The following TEP1 variants were observed in gnomAD, a reference collection of about 807,000 sequenced individuals.
The protein encoded by TEP1 is telomerase protein component 1.
Under a neutral mutation model 306.3 loss-of-function variants are expected in TEP1, and 241 were observed. The observed-to-expected ratio is 0.79, with a 90% CI of 0.71 to 0.88. TEP1 has a LOEUF of 0.88. Among genes scored for constraint, TEP1 ranks in the 40% least tolerant of loss-of-function variants. The probability of loss-of-function intolerance (pLI) is 0.00; values close to 1 mark genes in which losing one functional copy is unlikely to be tolerated. For synonymous variants in TEP1, 1,289 were observed against 1,305.5 expected (o/e 0.99, Z 0.27); for missense variants, 3,051 against 3,276.1 (o/e 0.93, Z 1.68).
intron 7 of TEP1, 99 bp downstream of exon 7, chr14:20,403,278 G>A (rs1594372274): frequency 2.1e-6 from 3 of 1,457,376 alleles, no homozygotes; most frequent in Non-Finnish European, 2.8e-6. Flanking sequence ...AGAATCCCCA[G>A]GAAGAAAGTA....
chr14:20,393,010 G>A (rs1007997433), intron 12 of TEP1, among the ~76,000 whole-genome samples: 5 of 151,830 alleles, frequency 3.3e-5, no homozygotes, highest in African/African-American at 7.3e-5. Context: ...CAAGGAGATC[G>A]AGACCATCCT....
rs750845140 is a variant in TEP1 at position 20,404,677 on chromosome 14, C to T, written c.966G>A (p.Leu322=). ...GGACAATGGCACAGAAATATCGTCGCAGGTGGGGGCGACACGCCGGCAAGA... is the reference window on the plus strand; with the variant it reads ...GGACAATGGCACAGAAATATCGTCGTAGGTGGGGGCGACACGCCGGCAAGA... ...AAFLPACRPH[L]RRYFCAIVQL... The change falls in exon 5 of 55, where the codon CTG becomes CTA. Residue 322 remains leucine, a synonymous_variant. Transcript: ENST00000262715. 9 of 1,614,060 alleles carry T rather than the reference C, an allele frequency of 5.6e-6. No individual in the cohort carries two copies. Among genetic ancestry groups the T allele is most frequent in the Non-Finnish European group, 6.8e-6 (8 of 1,180,042 alleles).
At position 20,406,246 on chromosome 14, in the gene TEP1, A is replaced by T. The variant is rs554303482; in HGVS notation, c.722T>A (p.Leu241His). The T allele has an allele frequency of 1.8e-5, 29 of 1,613,878 alleles. No individual in the cohort carries two copies. The South Asian group carries it at 3.0e-4, about 17-fold the overall frequency. Residue 241 changes from leucine to histidine, a missense_variant, in exon 3 of 55, where the codon CTT becomes CAT. By Grantham distance (99) the Leu-to-His change is moderately conservative (BLOSUM62 -3). This residue lies in a region of TEP1 where 1,507 missense variants were observed against 1,550.5 expected (regional missense o/e 0.97). Transcript: ENST00000262715. ...TTGAATTTTTACCTTCTTTTCCTGA[A>T]GGACATGGTCAGTAGGCTCTGGATG... Reference protein sequence around the residue: ...ESHPEPTDHVLQEKKMALLSL... With the variant: ...ESHPEPTDHVHQEKKMALLSL...
Position 20,378,826 on chromosome 14 carries a change from G to A in TEP1, c.5280C>T (p.Tyr1760=). The A allele has an allele frequency of 6.2e-7, 1 of 1,614,204 alleles. No individual in the cohort carries two copies. The highest frequency in any genetic ancestry group is 8.5e-7 in the Non-Finnish European group (1 of 1,180,030). Residue 1760 remains tyrosine, a synonymous_variant, in exon 37 of 55, where the codon TAC becomes TAT. Coordinates refer to ENST00000262715, the MANE Select transcript of TEP1 (RefSeq NM_007110.5). ...CRVLQTKAHQ[Y]QITGCCLSPD... The stretch of plus-strand genomic sequence containing the variant: ...GGCTCAGGCAGCAGCCAGTGATTTG[G>A]TACTGGTGAGCCTTAGTCTGCAGCA...
At chr14:20,403,958 A>T in intron 5 of TEP1, 74 bp from the exon 6 acceptor site, 1 of 1,593,278 alleles carries the variant, frequency 6.3e-7, no homozygotes, top group Non-Finnish European at 8.6e-7. Flanking sequence ...AGATCACTTC[A>T]TGGAGATACA....
At position 20,404,494 on chromosome 14, in the gene TEP1, C is replaced by A. The variant is rs1178509437; in HGVS notation, c.1032+117G>T. 3.0e-6 allele frequency: 4 copies of A among 1,311,756 alleles called. No homozygotes were observed. In the East Asian group the frequency reaches 1.0e-4, roughly 34 times the overall value. The allele number at this position is 1,311,756 out of a possible 1,614,324, so 81.3% of individuals were successfully genotyped here. ...GGGAGAAGCTGTCCTGTCTGGGCACCAATGCTGAGGAAAGCTGAGGGGAAA... is the reference window on the plus strand; with the variant it reads ...GGGAGAAGCTGTCCTGTCTGGGCACAAATGCTGAGGAAAGCTGAGGGGAAA... On this transcript the variant is annotated intron_variant, in intron 5 of 54. Coordinates refer to ENST00000262715, the MANE Select transcript of TEP1 (RefSeq NM_007110.5).
intron 44 of TEP1, 57 bp downstream of exon 44, chr14:20,374,372 C>A: frequency 7.6e-7 from 1 of 1,319,126 alleles, no homozygotes; most frequent in Non-Finnish European, 1.1e-6. Context: ...CACCGTCTCC[C>A]AAAGCCCCCT....
Position 20,369,781 on chromosome 14 carries a change from T to C in TEP1, c.7318-2A>G. 6.2e-7 allele frequency: 1 copy of C among 1,612,634 alleles called. No homozygotes were observed. Among genetic ancestry groups the C allele is most frequent in the Non-Finnish European group, 8.5e-7 (1 of 1,178,822 alleles). ...AAACTCTCCTGATTCCTTTTGCCTC[T>C]GTGAAAGAATAGGTAATTTTGTTTA... On this transcript the variant is annotated splice_acceptor_variant, in intron 51 of 54. Coordinates refer to ENST00000262715, the MANE Select transcript of TEP1 (RefSeq NM_007110.5). LOFTEE classifies it high-confidence loss of function.
In TEP1 at chr14:20,377,636, G is replaced by C. The variant is rs200869389; in HGVS notation, c.5839C>G (p.Arg1947Gly). 3 of 1,614,080 alleles carry C rather than the reference G, an allele frequency of 1.9e-6. No homozygotes were observed. The South Asian group carries it at 3.3e-5, about 18-fold the overall frequency. ...TTGTAGATCCTAATGCCATCCGCTC[G>C]ATATCCAACAGCCACCCGATCACCA... ...PDGDRVAVGY[R>G]ADGIRIYKIS... Residue 1947 changes from arginine to glycine, a missense_variant, in exon 40 of 55, where the codon CGA becomes GGA. Physicochemically the swap from Arg to Gly is moderately radical, Grantham distance 125. Transcript: ENST00000262715.
chr14:20,396,073 T>C (rs544918726), intron 10 of TEP1, 124 bp from the exon 11 acceptor site: 5 of 588,982 alleles, frequency 8.5e-6, no homozygotes, highest in Admixed American at 3.0e-5. Flanking sequence ...ACAAGAGATA[T>C]AGAAAAGGGG....
At chr14:20,371,144 T>A in intron 51 of TEP1, 74 bp downstream of exon 51, 1 of 1,296,400 alleles carries the variant, frequency 7.7e-7, no homozygotes, top group Non-Finnish European at 1.1e-6. Context: ...CTATCCTCCA[T>A]GACGGGCCCC....
At position 20,386,477 on chromosome 14, in the gene TEP1, C is replaced by T; in HGVS notation, c.2831G>A (p.Gly944Asp). The change falls in exon 19 of 55, where the codon GGC becomes GAC. Residue 944 changes from glycine to aspartate, a missense_variant. Gly to Asp is a moderately conservative substitution (Grantham distance 94, BLOSUM62 -1). Transcript: ENST00000262715. ...CCTACGGGTCTCCTCCTCAGTGACGCCCCAGCGGAGGTCGATTCCGTGAAG... is the reference window on the plus strand; with the variant it reads ...CCTACGGGTCTCCTCCTCAGTGACGTCCCAGCGGAGGTCGATTCCGTGAAG... ...ISLHGIDLRW[G>D]VTEEETRRNR... 6 of 1,610,876 alleles carry T rather than the reference C, an allele frequency of 3.7e-6. No homozygotes were observed. The highest frequency in any genetic ancestry group is 4.2e-6 in the Non-Finnish European group (5 of 1,178,558).
At chr14:20,369,207 A>G in intron 53 of TEP1, 137 bp downstream of exon 53, 1 of 858,596 alleles carries the variant, frequency 1.2e-6, no homozygotes, top group Admixed American at 2.4e-5. Context: ...ATGGGGTTTC[A>G]CCGTGTTAGC....
Position 20,381,193 on chromosome 14 carries a change from C to T in TEP1, c.4647+120G>A. On this transcript the variant is annotated intron_variant, in intron 32 of 54. Transcript: ENST00000262715. The surrounding 1 kb of genome is among the most constrained non-coding windows in gnomAD (Gnocchi z 4.0). ...GCAGGAAAACTGAAAGGAAAGAGGT[C>T]AAGGGAGTTTGGGAGGGGTAATGGC... The T allele has an allele frequency of 8.0e-7, 1 of 1,247,312 alleles. No individual in the cohort carries two copies. Among genetic ancestry groups the T allele is most frequent in the Non-Finnish European group, 1.2e-6 (1 of 848,176 alleles). The allele number at this position is 1,247,312 out of a possible 1,614,324, so 77.3% of individuals were successfully genotyped here. A position where few individuals can be genotyped will look rare whatever the true frequency, so the allele number is the denominator to read the frequency against.
chr14:20,390,845 C>T (rs1372766935), intron 14 of TEP1, 87 bp from the exon 15 acceptor site: 6 of 1,612,444 alleles, frequency 3.7e-6, no homozygotes, highest in South Asian at 2.2e-5. Context: ...ATCTTCAGAA[C>T]TGTGTATTGT....
rs769724263 is a variant in TEP1 at position 20,383,500 on chromosome 14, C to T, written c.3855G>A (p.Lys1285=). The T allele has an allele frequency of 6.2e-7, 1 of 1,614,210 alleles. No individual in the cohort carries two copies. The highest frequency in any genetic ancestry group is 1.7e-5 in the Admixed American group (1 of 60,028). ...TTCTCACACTCACCCGGGGAAGCTT[C>T]TTTGGGATCCAGTCTGAAATCAGCT... The part of the protein sequence containing the change: ...NGQLISDWIP[K]KLPRCVHLVL... Residue 1285 remains lysine (K), a synonymous_variant, in exon 26 of 55, where the codon AAG becomes AAA. Transcript: ENST00000262715.
intron 35 of TEP1, 117 bp from the exon 36 acceptor site, chr14:20,379,222 C>T: frequency 7.4e-7 from 1 of 1,346,762 alleles, no homozygotes; most frequent in Admixed American, 2.3e-5. Context: ...GTCCTTGGCT[C>T]TCTATGTTCC....
intron 9 of TEP1, among the ~76,000 whole-genome samples, chr14:20,398,154 C>T (rs971827385): frequency 4.0e-5 from 6 of 151,802 alleles, no homozygotes; most frequent in Admixed American, 1.3e-4. Flanking sequence ...CCGACTCAGG[C>T]GGATCATGAG....
intron 21 of TEP1, 76 bp downstream of exon 21, chr14:20,384,909 T>C (rs1268863575): frequency 3.1e-6 from 5 of 1,602,006 alleles, no homozygotes; most frequent in Non-Finnish European, 4.3e-6. Context: ...TTCTATACTC[T>C]GAATACTGAG....
Sources: allele counts gnomAD v4.1 joint callset (sites outside exome capture counted in the v4.1 genomes callset), GRCh38; gene constraint gnomAD v4.1.1; regional missense constraint gnomAD v4.1.1; non-coding constraint Gnocchi (gnomAD v3.1); transcripts MANE v1.5; gene names NCBI Gene and HGNC (gene_info 2026-07-23, HGNC 2026-07-21).